Variants in CSNK1E observed in about 807,000 individuals in gnomAD.
The protein encoded by CSNK1E is casein kinase I isoform epsilon.
A neutral mutation model predicts 46.1 loss-of-function variants in CSNK1E; 17 were observed. That is an observed-to-expected ratio of 0.37 (90% CI 0.25 to 0.55). The LOEUF (loss-of-function observed/expected upper bound fraction) is 0.55, where lower values mean the gene tolerates loss of function less well. Among genes scored for constraint, CSNK1E ranks in the 20% least tolerant of loss-of-function variants. The probability of loss-of-function intolerance (pLI) is 0.82; values close to 1 mark genes in which losing one functional copy is unlikely to be tolerated. For synonymous variants in CSNK1E, 241 were observed against 242.6 expected, an observed-to-expected ratio of 0.99 and a Z score of 0.06; for missense variants, 386 against 595.4, an observed-to-expected ratio of 0.65 and a Z score of 3.66.
chr22:38,306,499 G>T (rs9607528), intron 2 of CSNK1E, among the ~76,000 whole-genome samples: 1 of 151,980 alleles, frequency 6.6e-6, no homozygotes, highest in Non-Finnish European at 1.5e-5. Flanking sequence ...TTGAGAGGCC[G>T]AGGCAGGCGG....
At position 38,298,275 on chromosome 22, in the gene CSNK1E, T is replaced by G; in HGVS notation, c.885+511A>C. ...CAGAGCTCTGGGTACGGCCGGCCAA[T>G]GCTGCTCCCCACCCAACCCCACCCC... On this transcript the variant is annotated intron_variant, in intron 7 of 10. Coordinates refer to ENST00000396832, the MANE Select transcript of CSNK1E (RefSeq NM_152221.3). The surrounding 1 kb of genome is among the most constrained non-coding windows in gnomAD (Gnocchi z 4.2). 1 of 1,182,220 alleles carries G rather than the reference T, an allele frequency of 8.5e-7. No individual in the cohort carries two copies. Among genetic ancestry groups the G allele is most frequent in the Non-Finnish European group, 1.1e-6 (1 of 890,152 alleles). The allele number at this position is 1,182,220 out of a possible 1,614,324, so 73.2% of individuals were successfully genotyped here. A position where few individuals can be genotyped will look rare whatever the true frequency, so the allele number is the denominator to read the frequency against.
chr22:38,308,568 T>A (rs1232828372), intron 2 of CSNK1E, among the ~76,000 whole-genome samples: 2 of 152,182 alleles, frequency 1.3e-5, no homozygotes, highest in South Asian at 4.1e-4. Context: ...GATGACACTA[T>A]CTGGCTCATT....
intron 2 of CSNK1E, among the ~76,000 whole-genome samples, chr22:38,308,751 G>A (rs537618779): frequency 1.7e-4 from 26 of 152,048 alleles, no homozygotes; most frequent in African/African-American, 6.0e-4. Context: ...GAGAGCCTCC[G>A]GGAGGGCAGG....
In CSNK1E at chr22:38,294,997, C is replaced by T. The variant is rs1479264446; in HGVS notation, c.886-463G>A. Among the ~76,000 whole-genome samples, 1 of 152,176 alleles carries T rather than the reference C, an allele frequency of 6.6e-6. No individual in the cohort carries two copies. The highest frequency in any genetic ancestry group is 2.4e-5 in the African/African-American group (1 of 41,448). ...GTCCAGAGGGGGAAAAGAACAGGCC[C>T]AGAGTCACAAAACTAGTGGAAGGCT... is the stretch of plus-strand genomic sequence containing the variant. On this transcript the variant is annotated intron_variant, in intron 7 of 10. Coordinates refer to ENST00000396832, the MANE Select transcript of CSNK1E (RefSeq NM_152221.3). The surrounding 1 kb of genome is among the most constrained non-coding windows in gnomAD (Gnocchi z 5.5).
At chr22:38,310,582 T>C (rs1458217175) in intron 2 of CSNK1E, among the ~76,000 whole-genome samples, 1 of 152,178 alleles carries the variant, frequency 6.6e-6, no homozygotes, top group Non-Finnish European at 1.5e-5. Context: ...TCGCCACCCC[T>C]TTCAGAGCTG....
rs2092713116 is a variant in CSNK1E, at chr22:38,309,766, TTC to T, written c.76+4314_76+4315del. On this transcript the variant is annotated intron_variant, in intron 2 of 10. Transcript: ENST00000396832. This position sits in a 1 kb window ranked among gnomAD's most constrained non-coding sequence, Gnocchi z 4.8. ...ACTGTGCCTGGCCTACTGTTTGCAT[TTC>T]TGTTTGACATGTGGAAAAACAGACA... 6.6e-6 allele frequency among the ~76,000 whole-genome samples: 1 copy of T among 152,190 alleles called. No homozygotes were observed. The highest frequency in any genetic ancestry group is 6.5e-5 in the Admixed American group (1 of 15,286).
At chr22:38,312,591 ACT>A (rs2092725794) in intron 2 of CSNK1E, among the ~76,000 whole-genome samples, 1 of 151,008 alleles carries the variant, frequency 6.6e-6, no homozygotes, top group African/African-American at 2.4e-5. Context: ...TGCACCACAC[ACT>A]CTCCCTCCCT....
At position 38,309,372 on chromosome 22, in the gene CSNK1E, G is replaced by A. The variant is rs2092711600; in HGVS notation, c.76+4710C>T. Among the ~76,000 whole-genome samples the A allele has an allele frequency of 6.6e-6, 1 of 152,226 alleles. No individual in the cohort carries two copies. The highest frequency in any genetic ancestry group is 2.4e-5 in the African/African-American group (1 of 41,468). ...TGATTCGGCAGATGTGTGCAGGGAGGAGAGGTGCTGGGGAGGTAGTGGTAG... is the reference window on the plus strand; with the variant it reads ...TGATTCGGCAGATGTGTGCAGGGAGAAGAGGTGCTGGGGAGGTAGTGGTAG... On this transcript the variant is annotated intron_variant, in intron 2 of 10. Transcript: ENST00000396832. The surrounding 1 kb of genome is among the most constrained non-coding windows in gnomAD (Gnocchi z 4.8).
intron 7 of CSNK1E, chr22:38,297,471 G>T: frequency 1.3e-6 from 1 of 769,338 alleles, no homozygotes; most frequent in Non-Finnish European, 1.7e-6. Flanking sequence ...ACTCCTTAGT[G>T]AACAAGAAAC....
chr22:38,291,166 T>G lies in CSNK1E; in HGVS notation c.*805A>C, dbSNP rs915286136. On this transcript the variant is annotated 3_prime_UTR_variant, in exon 11 of 11. Coordinates refer to ENST00000396832, the MANE Select transcript of CSNK1E (RefSeq NM_152221.3). ...GGAAGATGGAGCTGCCACCGGCTGA[T>G]GACGGGCTAGGGGGGGACCGGTGGC... is the stretch of plus-strand genomic sequence containing the variant. The G allele has an allele frequency of 1.3e-5, 2 of 152,238 alleles. No homozygotes were observed. The highest frequency in any genetic ancestry group is 4.8e-5 in the African/African-American group (2 of 41,444). 9.4% of individuals were successfully genotyped at this position (152,238 alleles called of 1,614,324 possible). A position where few individuals can be genotyped will look rare whatever the true frequency, so the allele number is the denominator to read the frequency against.
At chr22:38,307,448 G>A (rs1041025831) in intron 2 of CSNK1E, among the ~76,000 whole-genome samples, 1 of 152,062 alleles carries the variant, frequency 6.6e-6, no homozygotes, top group Non-Finnish European at 1.5e-5. Context: ...GCTCTCAGGA[G>A]GCTGAGGTAG....
chr22:38,298,950 G>A lies in CSNK1E; in HGVS notation c.737-16C>T, dbSNP rs778454111. ...GAGAATTCGGCTGGAGGGTGTTGCA[G>A]AGGATAGAGAAGGCCACTGTGAGGC... On this transcript the variant is annotated splice_polypyrimidine_tract_variant and intron_variant, in intron 6 of 10. Transcript: ENST00000396832. The surrounding 1 kb of genome is among the most constrained non-coding windows in gnomAD (Gnocchi z 4.2). The A allele has an allele frequency of 8.1e-6, 13 of 1,613,870 alleles. No homozygotes were observed. The East Asian group carries it at 2.9e-4, about 36-fold the overall frequency.
chr22:38,297,314 C>T (rs2092646210), intron 7 of CSNK1E, among the ~76,000 whole-genome samples: 1 of 152,222 alleles, frequency 6.6e-6, no homozygotes, highest in Admixed American at 6.5e-5. Context: ...CCATGGGCCC[C>T]ATTTGGAGCC....
intron 2 of CSNK1E, among the ~76,000 whole-genome samples, chr22:38,305,214 T>G (rs1602554560): frequency 6.6e-6 from 1 of 150,482 alleles, no homozygotes; most frequent in East Asian, 1.9e-4. Context: ...ACAATACAGA[T>G]TTAAACACGA....
chr22:38,296,620 C>T (rs908172117), intron 7 of CSNK1E: 1 of 1,612,876 alleles, frequency 6.2e-7, no homozygotes. Context: ...ACTCCAGGGC[C>T]TGCCTCAAGA....
chr22:38,302,905 G>A lies in CSNK1E; in HGVS notation c.292C>T (p.Arg98Cys), dbSNP rs769423330. Residue 98 changes from arginine to cysteine, a missense_variant, in exon 4 of 11, where the codon CGC becomes TGC. Coordinates refer to ENST00000396832, the MANE Select transcript of CSNK1E (RefSeq NM_152221.3). ...AGCACCGTCTTGAGGCTGAATTTGC[G>A]GGAACAGAAGTTGAACAGGTCCTCG... ...SLEDLFNFCS[R>C]KFSLKTVLLL... The A allele has an allele frequency of 6.2e-7, 1 of 1,614,116 alleles. No homozygotes were observed. Among genetic ancestry groups the A allele is most frequent in the Admixed American group, 1.7e-5 (1 of 60,016 alleles).
At position 38,309,313 on chromosome 22, in the gene CSNK1E, T is replaced by C. The variant is rs1387029137; in HGVS notation, c.76+4769A>G. On this transcript the variant is annotated intron_variant, in intron 2 of 10. Transcript: ENST00000396832. This position sits in a 1 kb window ranked among gnomAD's most constrained non-coding sequence, Gnocchi z 4.8. ...TGCCTGGGCAGGGTGCAGAAACTGA[T>C]TGACACTTTGGAGGCAGGGCCTGCA... 4.6e-5 allele frequency among the ~76,000 whole-genome samples: 7 copies of C among 152,154 alleles called. No individual in the cohort carries two copies. Among genetic ancestry groups the C allele is most frequent in the African/African-American group, 9.7e-5 (4 of 41,430 alleles).
At chr22:38,299,691 G>A (rs6001089) in intron 6 of CSNK1E, among the ~76,000 whole-genome samples, 2 of 152,192 alleles carry the variant, frequency 1.3e-5, no homozygotes, top group Non-Finnish European at 2.9e-5. Context: ...TGTATTTTTA[G>A]TAGAGACAGG....
intron 7 of CSNK1E, among the ~76,000 whole-genome samples, chr22:38,295,098 C>T (rs938650051): frequency 3.3e-5 from 5 of 152,146 alleles, no homozygotes; most frequent in Non-Finnish European, 7.4e-5. Flanking sequence ...TTCCCCCTGC[C>T]GGGACCTGGC....
Sources: gnomAD v4.1 joint callset for allele counts (sites outside exome capture counted in the v4.1 genomes callset) on GRCh38, gnomAD v4.1.1 for gene constraint, Gnocchi (gnomAD v3.1) non-coding constraint, MANE v1.5 for transcripts, NCBI Gene and HGNC (gene_info 2026-07-23, HGNC 2026-07-21) for gene names.